Variants in BIRC6 observed in about 807,000 individuals in gnomAD.
BIRC6 encodes dual E2 ubiquitin-conjugating enzyme/E3 ubiquitin-protein ligase BIRC6.
Under a neutral mutation model 503.3 loss-of-function variants are expected in BIRC6, and 98 were observed. The ratio of observed to expected loss-of-function variants is 0.19; its 90% CI spans 0.17 to 0.23. The LOEUF (loss-of-function observed/expected upper bound fraction) is 0.23, where lower values mean the gene tolerates loss of function less well. Ranked by LOEUF, BIRC6 falls within the 10% of genes least tolerant of loss-of-function variation. BIRC6 has a pLI of 1.00. For missense variants in BIRC6, 5,360 were observed against 5,806.0 expected, an observed-to-expected ratio of 0.92 and a Z score of 2.50; for synonymous variants, 2,240 against 2,078.7, an observed-to-expected ratio of 1.08 and a Z score of -2.11.
intron 10 of BIRC6, among the ~76,000 whole-genome samples, chr2:32,416,407 G>T (rs1355234911): frequency 6.6e-6 from 1 of 151,908 alleles, no homozygotes; most frequent in African/African-American, 2.4e-5. Context: ...TTAACCTCAA[G>T]AAAATCACGT....
rs925345131 is a variant in BIRC6 at position 32,369,636 on chromosome 2, C to G, written c.326-7952C>G. Among the ~76,000 whole-genome samples the G allele has an allele frequency of 3.6e-4, 54 of 151,718 alleles. 1 individual carries two copies. The highest frequency in any genetic ancestry group is 1.3e-3 in the African/African-American group (52 of 41,270). On this transcript the variant is annotated intron_variant, in intron 1 of 73. Transcript: ENST00000421745. ...AGAGACAGGGTTTCACCTTATTGGCCAGGCTGGTCTCGAACTCCTGACCTC... is the reference window on the plus strand; with the variant it reads ...AGAGACAGGGTTTCACCTTATTGGCGAGGCTGGTCTCGAACTCCTGACCTC...
chr2:32,385,802 C>T (rs941848257), intron 3 of BIRC6, among the ~76,000 whole-genome samples: 1 of 152,200 alleles, frequency 6.6e-6, no homozygotes, highest in Non-Finnish European at 1.5e-5. Context: ...TTAGAGCACA[C>T]ATTCAAGTAT....
intron 38 of BIRC6, among the ~76,000 whole-genome samples, chr2:32,482,022 G>C (rs1240603743): frequency 1.3e-5 from 2 of 152,148 alleles, no homozygotes; most frequent in South Asian, 2.1e-4. Flanking sequence ...CTACATTTAA[G>C]TATACAGAAG....
chr2:32,579,548 A>G (rs931031527), intron 66 of BIRC6, among the ~76,000 whole-genome samples: 11 of 151,982 alleles, frequency 7.2e-5, no homozygotes, highest in Non-Finnish European at 1.2e-4. Flanking sequence ...AAATTAGTCA[A>G]TATCGTGGGC....
chr2:32,363,290 C>T (rs542311755), intron 1 of BIRC6, among the ~76,000 whole-genome samples: 1 of 152,234 alleles, frequency 6.6e-6, no homozygotes, highest in Non-Finnish European at 1.5e-5. Context: ...TGTGATTGTG[C>T]CAGCCTGGGC....
chr2:32,462,075 G>T (rs897874469), intron 23 of BIRC6, among the ~76,000 whole-genome samples: 10 of 151,914 alleles, frequency 6.6e-5, no homozygotes, highest in Non-Finnish European at 1.3e-4. Context: ...AGGTGGGGGG[G>T]ATCATGATGC....
intron 1 of BIRC6, among the ~76,000 whole-genome samples, chr2:32,375,255 T>C (rs1462796359): frequency 1.3e-5 from 2 of 152,192 alleles, no homozygotes; most frequent in Non-Finnish European, 2.9e-5. Context: ...TATCCTGATT[T>C]TTTAGTGCAG....
At chr2:32,452,963 T>C (rs992080588) in intron 22 of BIRC6, among the ~76,000 whole-genome samples, 1 of 152,126 alleles carries the variant, frequency 6.6e-6, no homozygotes, top group African/African-American at 2.4e-5. Flanking sequence ...TTGTGTTTGA[T>C]AGTCCTTCAG....
intron 8 of BIRC6, among the ~76,000 whole-genome samples, chr2:32,406,097 C>T (rs1421768783): frequency 1.3e-5 from 2 of 152,070 alleles, no homozygotes; most frequent in Non-Finnish European, 2.9e-5. Context: ...GTGATTTTAA[C>T]ACTGTACTTT....
In BIRC6 at chr2:32,415,887, A is replaced by G; in HGVS notation, c.2596A>G (p.Ile866Val). The change falls in exon 10 of 74, where the codon ATA (isoleucine) becomes GTA (valine). Residue 866 changes from isoleucine to valine, a missense_variant. Transcript: ENST00000421745. ...ITSLILLPPD[I>V]LDNREDDCEE... ...CTCGCTCATTTTGCTTCCACCCGAT[A>G]TATTGGATAATCGAGAGGATGACTG... The G allele has an allele frequency of 1.2e-6, 2 of 1,614,002 alleles. No individual in the cohort carries two copies. The highest frequency in any genetic ancestry group is 1.1e-5 in the South Asian group (1 of 91,092).
Position 32,401,621 on chromosome 2 carries a change from T to C in BIRC6, c.1416T>C (p.Asp472=), listed in dbSNP as rs201426570. Reference sequence around the variant, plus strand: ...CAGATATACCAAAATTGGAAGGAGATAGGTATGTGAGTTTGTTTTAGTAGT... The same window carrying C: ...CAGATATACCAAAATTGGAAGGAGACAGGTATGTGAGTTTGTTTTAGTAGT... The part of the protein sequence containing the change: ...SCSDIPKLEG[D]SDDLLEDSDS... Residue 472 remains aspartate (D), a splice_region_variant and synonymous_variant, in exon 8 of 74, where the codon GAT becomes GAC. Coordinates refer to ENST00000421745, the MANE Select transcript of BIRC6 (RefSeq NM_016252.4). The C allele has an allele frequency of 2.5e-6, 4 of 1,611,314 alleles. No homozygotes were observed. In the African/African-American group the frequency reaches 4.0e-5, roughly 16 times the overall value.
chr2:32,600,967 T>C (rs1341923404), intron 70 of BIRC6, among the ~76,000 whole-genome samples: 1 of 152,144 alleles, frequency 6.6e-6, no homozygotes, highest in Non-Finnish European at 1.5e-5. Context: ...ACACAAAAAT[T>C]CGCTAACACA....
At chr2:32,604,975 C>G (rs933346166) in intron 71 of BIRC6, among the ~76,000 whole-genome samples, 1 of 150,882 alleles carries the variant, frequency 6.6e-6, no homozygotes, top group African/African-American at 2.4e-5. Context: ...CTCTGCGTCT[C>G]GGGTTCAAGC....
At position 32,513,341 on chromosome 2, in the gene BIRC6, T is replaced by C. The variant is rs73922733; in HGVS notation, c.10568+187T>C. On this transcript the variant is annotated intron_variant, in intron 54 of 73. Coordinates refer to ENST00000421745, the MANE Select transcript of BIRC6 (RefSeq NM_016252.4). ...TTTATCTTTGTGTTTTAAGAAGATATGTTAGCAGTACTGCCTTCTTTTTTT... is the reference window on the plus strand; with the variant it reads ...TTTATCTTTGTGTTTTAAGAAGATACGTTAGCAGTACTGCCTTCTTTTTTT... Among the ~76,000 whole-genome samples, 301 of 152,372 alleles carry C rather than the reference T, an allele frequency of 2.0e-3. 3 individuals are homozygous for C. The highest frequency in any genetic ancestry group is 7.0e-3 in the African/African-American group (291 of 41,590).
intron 10 of BIRC6, among the ~76,000 whole-genome samples, chr2:32,428,301 T>C (rs1408487164): frequency 6.6e-6 from 1 of 152,252 alleles, no homozygotes; most frequent in East Asian, 1.9e-4. Flanking sequence ...CTTCTCTCAC[T>C]ACATGTAATT....
Position 32,508,273 on chromosome 2 carries a change from GTCCT to G in BIRC6, c.9980+16_9980+19del. ...ATCCAAAACAAGGTATGTTTTGTTTGTCCTTTTTTTTTTTTTTTTTTTTTTTTTT... is the reference window on the plus strand; with the variant it reads ...ATCCAAAACAAGGTATGTTTTGTTTGTTTTTTTTTTTTTTTTTTTTTTTTT... On this transcript the variant is annotated intron_variant, in intron 51 of 73. Coordinates refer to ENST00000421745, the MANE Select transcript of BIRC6 (RefSeq NM_016252.4). The G allele has an allele frequency of 3.8e-6, 2 of 531,190 alleles. No homozygotes were observed. Among genetic ancestry groups the G allele is most frequent in the South Asian group, 6.0e-5 (1 of 16,704 alleles). The allele number at this position is 531,190 out of a possible 1,614,324, so 32.9% of individuals were successfully genotyped here.
intron 38 of BIRC6, 47 bp from the exon 39 acceptor site, chr2:32,482,382 A>G: frequency 6.3e-7 from 1 of 1,580,570 alleles, no homozygotes; most frequent in Non-Finnish European, 8.6e-7. Context: ...CGTGTCATTC[A>G]GCCAAGAGGC....
Position 32,549,382 on chromosome 2 carries a change from A to G in BIRC6, c.13045A>G (p.Arg4349Gly), listed in dbSNP as rs751770843. The G allele has an allele frequency of 2.8e-5, 42 of 1,515,614 alleles. No individual in the cohort carries two copies. The highest frequency in any genetic ancestry group is 9.5e-5 in the African/African-American group (7 of 73,756). The allele number at this position is 1,515,614 out of a possible 1,614,324, so 93.9% of individuals were successfully genotyped here. ...NGEAQSSHETRGQNSNALPSV... is the reference protein window; with the variant it reads ...NGEAQSSHETGGQNSNALPSV... ...AGAAGCTCAGTCATCTCATGAGACT[A>G]GAGGGCAGAACAGTAATGCCCTTCC... The change falls in exon 65 of 74, where the codon AGA (arginine) becomes GGA (glycine). Residue 4349 changes from arginine (R) to glycine (G), a missense_variant. By Grantham distance (125) the Arg-to-Gly change is moderately radical (BLOSUM62 -2). Transcript: ENST00000421745.
intron 22 of BIRC6, among the ~76,000 whole-genome samples, chr2:32,450,062 A>G (rs1018642332): frequency 6.6e-6 from 1 of 152,208 alleles, no homozygotes; most frequent in Non-Finnish European, 1.5e-5. Flanking sequence ...TCAGTATACC[A>G]AAAGAAGCAG....
Sources: allele counts gnomAD v4.1 joint callset (sites outside exome capture counted in the v4.1 genomes callset), GRCh38; gene constraint gnomAD v4.1.1; transcripts MANE v1.5; gene names NCBI Gene and HGNC (gene_info 2026-07-23, HGNC 2026-07-21).